The following NUP210L variants were observed in gnomAD, a reference collection of about 807,000 sequenced individuals.
The protein encoded by NUP210L is nuclear pore membrane glycoprotein 210-like.
In NUP210L, 74 loss-of-function variants were observed where a neutral mutation model predicts 208.5. The observed-to-expected ratio is 0.35, with a 90% confidence interval of 0.29 to 0.43. The LOEUF (loss-of-function observed/expected upper bound fraction) is 0.43. Ranked by LOEUF, NUP210L falls within the 20% of genes least tolerant of loss-of-function variation. NUP210L has a pLI of 1.00. For synonymous variants in NUP210L, 780 were observed against 816.9 expected, an observed-to-expected ratio of 0.95 and a Z score of 0.77; for missense variants, 1,843 against 2,289.4, an observed-to-expected ratio of 0.81 and a Z score of 3.98.
rs141568740 is a variant in NUP210L at position 154,008,484 on chromosome 1, G to A, written c.4930+1488C>T. 2.4e-3 allele frequency among the ~76,000 whole-genome samples: 366 copies of A among 152,176 alleles called. 3 individuals are homozygous for A. Among genetic ancestry groups the A allele is most frequent in the African/African-American group, 8.3e-3 (343 of 41,554 alleles). ...AACACTTTGGGATGCTGAGGCAGGC[G>A]GATCACGAGGTCAGGAGTTCGAGAC... On this transcript the variant is annotated intron_variant, in intron 35 of 39. Transcript: ENST00000368559.
At position 154,020,657 on chromosome 1, in the gene NUP210L, G is replaced by T. The variant is rs57556352; in HGVS notation, c.4516+1469C>A. 1.9e-3 allele frequency among the ~76,000 whole-genome samples: 288 copies of T among 151,578 alleles called. 1 individual carries two copies. Among genetic ancestry groups the T allele is most frequent in the African/African-American group, 6.8e-3 (280 of 41,284 alleles). ...TTCTCCTGCCTTGGCCTCCCAAGTA[G>T]CTGGGACTACAGGCACATGCCACCA... is the stretch of plus-strand genomic sequence containing the variant. On this transcript the variant is annotated intron_variant, in intron 32 of 39. Transcript: ENST00000368559.
At chr1:154,125,504 C>G (rs1200329118) in intron 10 of NUP210L, among the ~76,000 whole-genome samples, 6 of 150,272 alleles carry the variant, frequency 4.0e-5, no homozygotes, top group Non-Finnish European at 5.9e-5. Flanking sequence ...TGCCTGCAGT[C>G]CCAGCTACTT....
At chr1:154,117,333 C>A (rs1254696918) in intron 12 of NUP210L, among the ~76,000 whole-genome samples, 1 of 152,242 alleles carries the variant, frequency 6.6e-6, no homozygotes, top group South Asian at 2.1e-4. Flanking sequence ...GTAATCCCAG[C>A]ACTTTGGGAG....
chr1:154,056,910 T>C, exon 23 of NUP210L: 3 of 1,609,660 alleles, frequency 1.9e-6, no homozygotes, highest in Non-Finnish European at 2.5e-6. Flanking sequence ...GCTCGAAGAA[T>C]ATAATTTTCA....
chr1:154,056,013 C>T (rs997278668), intron 23 of NUP210L, among the ~76,000 whole-genome samples: 3 of 152,094 alleles, frequency 2.0e-5, no homozygotes, highest in Non-Finnish European at 2.9e-5. Flanking sequence ...GAGCCAAGAT[C>T]GCGCCATTGC....
chr1:154,050,228 A>T (rs772281196), intron 25 of NUP210L, among the ~76,000 whole-genome samples: 1 of 152,142 alleles, frequency 6.6e-6, no homozygotes, highest in Non-Finnish European at 1.5e-5. Flanking sequence ...ACATTAAATG[A>T]CTTTCAAAAA....
exon 40 of NUP210L, chr1:153,992,780 G>C: frequency 8.5e-7 from 1 of 1,181,842 alleles, no homozygotes; most frequent in African/African-American, 1.6e-5. Context: ...GCTTCTTGTC[G>C]AGGACTAGAA....
chr1:154,082,220 T>C (rs964428359), intron 16 of NUP210L, among the ~76,000 whole-genome samples: 2 of 152,168 alleles, frequency 1.3e-5, no homozygotes, highest in African/African-American at 4.8e-5. Flanking sequence ...TAAGAGTGGG[T>C]AGCCTGTGAG....
At chr1:154,025,507 T>C in intron 30 of NUP210L, 35 bp downstream of exon 30, 1 of 1,414,808 alleles carries the variant, frequency 7.1e-7, no homozygotes, top group Non-Finnish European at 9.4e-7. Flanking sequence ...ATGACTTTTA[T>C]TTATTTGTTT....
intron 27 of NUP210L, among the ~76,000 whole-genome samples, chr1:154,032,746 T>C (rs1652304947): frequency 6.6e-6 from 1 of 151,784 alleles, no homozygotes. Context: ...GGCAAAATCC[T>C]GTCTCTACAA....
Position 153,995,196 on chromosome 1 carries a change from A to G in NUP210L, c.5387-16T>C. The stretch of plus-strand genomic sequence containing the variant: ...TCACAGTGATCTATACATTGGCCAT[A>G]ACAAAACAAGATAATAGTTAATAGC... On this transcript the variant is annotated splice_polypyrimidine_tract_variant and intron_variant, in intron 37 of 39. Transcript: ENST00000368559. 1 of 1,566,388 alleles carries G rather than the reference A, an allele frequency of 6.4e-7. No individual in the cohort carries two copies. Among genetic ancestry groups the G allele is most frequent in the Non-Finnish European group, 8.8e-7 (1 of 1,142,006 alleles).
chr1:154,068,383 G>A (rs1191923736), intron 17 of NUP210L, among the ~76,000 whole-genome samples: 3 of 152,186 alleles, frequency 2.0e-5, no homozygotes, highest in Non-Finnish European at 4.4e-5. Flanking sequence ...CTAGCCATAT[G>A]TAGAAAGCTG....
intron 16 of NUP210L, among the ~76,000 whole-genome samples, chr1:154,081,673 CATA>C (rs1191932217): frequency 1.3e-5 from 2 of 152,198 alleles, no homozygotes; most frequent in Admixed American, 6.5e-5. Context: ...ATCATGTTTA[CATA>C]ATAATATCCC....
intron 27 of NUP210L, 125 bp downstream of exon 27, chr1:154,045,944 C>T (rs1653149252): frequency 1.2e-6 from 1 of 838,528 alleles, no homozygotes; most frequent in African/African-American, 1.7e-5. Context: ...GAGATTGCAC[C>T]ACTGCACTCC....
intron 27 of NUP210L, 45 bp from the exon 28 acceptor site, chr1:154,030,099 T>C (rs1652125531): frequency 7.4e-7 from 1 of 1,344,622 alleles, no homozygotes; most frequent in Non-Finnish European, 1.0e-6. Context: ...TCAATAAACA[T>C]GGTGTCCTTC....
intron 16 of NUP210L, among the ~76,000 whole-genome samples, chr1:154,078,135 T>C (rs1196541390): frequency 1.3e-5 from 2 of 149,030 alleles, no homozygotes; most frequent in Non-Finnish European, 3.0e-5. Flanking sequence ...CGAGACCTCA[T>C]CTTTACAAAA....
chr1:154,104,778 T>G (rs771393216), intron 12 of NUP210L, among the ~76,000 whole-genome samples: 22 of 152,028 alleles, frequency 1.4e-4, no homozygotes, highest in Non-Finnish European at 2.8e-4. Flanking sequence ...TAAATAAACT[T>G]GAAAGGCTGT....
intron 38 of NUP210L, among the ~76,000 whole-genome samples, chr1:153,994,559 G>A (rs990756193): frequency 4.0e-5 from 6 of 151,088 alleles, no homozygotes; most frequent in South Asian, 2.1e-4. Flanking sequence ...TGACCCACCC[G>A]CCTTGGCCTC....
chr1:154,128,264 T>C (rs759049746), intron 8 of NUP210L, among the ~76,000 whole-genome samples: 3 of 151,944 alleles, frequency 2.0e-5, no homozygotes, highest in South Asian at 4.1e-4. Context: ...GGAGGGAGAA[T>C]TGCTTGAGCC....
Sources: gnomAD v4.1 joint callset for allele counts (sites outside exome capture counted in the v4.1 genomes callset) on GRCh38, gnomAD v4.1.1 for gene constraint, MANE v1.5 for transcripts, NCBI Gene and HGNC (gene_info 2026-07-23, HGNC 2026-07-21) for gene names.